NTRK3: variants seen among roughly 807,000 people sequenced by gnomAD.
NTRK3 encodes the protein NT-3 growth factor receptor.
Under a neutral mutation model 91.7 loss-of-function variants are expected in NTRK3, and 24 were observed. The observed-to-expected ratio is 0.26, with a 90% CI of 0.19 to 0.37. The LOEUF is 0.37. NTRK3 is among the 10% of genes least tolerant of loss of function. NTRK3 has a pLI of 1.00. For synonymous variants in NTRK3, 483 were observed against 404.0 expected (o/e 1.20, Z -2.34); for missense variants, 880 against 1,068.9 (o/e 0.82, Z 2.46).
intron 14 of NTRK3, among the ~76,000 whole-genome samples, chr15:87,999,319 C>A (rs1160496902): frequency 6.6e-6 from 1 of 152,264 alleles, no homozygotes; most frequent in Admixed American, 6.5e-5. Context: ...GTTCCTTGGC[C>A]ACTAGGATGC....
At chr15:88,084,265 G>A (rs2048310630) in intron 13 of NTRK3, among the ~76,000 whole-genome samples, 1 of 152,010 alleles carries the variant, frequency 6.6e-6, no homozygotes, top group African/African-American at 2.4e-5. Context: ...TCACTCCCCT[G>A]CACCCCAATG....
rs8031214 is a variant in NTRK3 at position 88,185,279 on chromosome 15, C to G, written c.249-980G>C. Among the ~76,000 whole-genome samples, 1,025 of 152,234 alleles carry G rather than the reference C, an allele frequency of 6.7e-3. 16 individuals are homozygous for G. The highest frequency in any genetic ancestry group is 0.023 in the African/African-American group (975 of 41,508). On this transcript the variant is annotated intron_variant, in intron 3 of 18. Transcript: ENST00000394480. ...GAGCTTTTTATCAACAGACACAAAC[C>G]CGTGCTAACTCATCCACTGCATAAA... is the stretch of plus-strand genomic sequence containing the variant.
chr15:88,018,397 T>C (rs2077384135), intron 14 of NTRK3, among the ~76,000 whole-genome samples: 1 of 152,188 alleles, frequency 6.6e-6, no homozygotes, highest in Admixed American at 6.5e-5. Flanking sequence ...CAGCTGACGG[T>C]GGGAGGGGGT....
chr15:88,034,270 A>G (rs1596853503), intron 13 of NTRK3, among the ~76,000 whole-genome samples: 1 of 152,288 alleles, frequency 6.6e-6, no homozygotes, highest in East Asian at 1.9e-4. Context: ...TTGAAATATC[A>G]CATTGACCCA....
chr15:87,941,937 T>C (rs1397959996), intron 14 of NTRK3, among the ~76,000 whole-genome samples: 6 of 152,194 alleles, frequency 3.9e-5, no homozygotes, highest in African/African-American at 7.2e-5. Context: ...TTGAAGAGCA[T>C]TGCTGAGCCA....
chr15:87,948,594 A>T (rs1300063365), intron 14 of NTRK3, among the ~76,000 whole-genome samples: 1 of 152,250 alleles, frequency 6.6e-6, no homozygotes, highest in East Asian at 1.9e-4. Flanking sequence ...AAGCTGAAGC[A>T]GGAGAATCGC....
intron 17 of NTRK3, 137 bp from the exon 18 acceptor site, chr15:87,885,872 T>G: frequency 2.6e-6 from 1 of 391,952 alleles, no homozygotes; most frequent in Non-Finnish European, 4.5e-6. Flanking sequence ...GAGATACAAC[T>G]TACAAAAATT....
chr15:87,939,255 T>A (rs1346343601), intron 15 of NTRK3, among the ~76,000 whole-genome samples: 2 of 152,190 alleles, frequency 1.3e-5, no homozygotes, highest in Non-Finnish European at 2.9e-5. Flanking sequence ...GCCAACTACT[T>A]TTTATTGAGT....
At chr15:88,134,974 G>T in intron 10 of NTRK3, 127 bp downstream of exon 10, 1 of 1,117,896 alleles carries the variant, frequency 8.9e-7, no homozygotes, top group Non-Finnish European at 1.4e-6. Flanking sequence ...ATGTTCCAGT[G>T]TGTGTTTTGT....
chr15:88,013,251 G>C (rs537332765), intron 14 of NTRK3, among the ~76,000 whole-genome samples: 21 of 152,322 alleles, frequency 1.4e-4, no homozygotes, highest in Non-Finnish European at 1.9e-4. Flanking sequence ...CACTGGTAAA[G>C]ACTGTTTAAA....
chr15:88,255,440 AG>A lies in NTRK3; in HGVS notation c.248+465del, dbSNP rs908591755. Among the ~76,000 whole-genome samples, 1 of 152,204 alleles carries A rather than the reference AG, an allele frequency of 6.6e-6. No homozygotes were observed. The highest frequency in any genetic ancestry group is 2.4e-5 in the African/African-American group (1 of 41,462). Reference sequence around the variant, plus strand: ...TAAACACCTCGGCTGGATCGCGAGCAGTCCCTATCTGTCACCTTCCCTGCCG... The same window carrying A: ...TAAACACCTCGGCTGGATCGCGAGCATCCCTATCTGTCACCTTCCCTGCCG... On this transcript the variant is annotated intron_variant, in intron 3 of 18. Coordinates refer to ENST00000394480, the Ensembl canonical transcript of NTRK3. The surrounding 1 kb of genome is among the most constrained non-coding windows in gnomAD (Gnocchi z 4.3).
intron 13 of NTRK3, among the ~76,000 whole-genome samples, chr15:88,050,558 T>TAC (rs1445016918): frequency 6.6e-6 from 1 of 151,880 alleles, no homozygotes; most frequent in Non-Finnish European, 1.5e-5. Flanking sequence ...CTGAGTAGTA[T>TAC]ACACACACTC....
chr15:87,984,100 C>T (rs1327499071), intron 14 of NTRK3, among the ~76,000 whole-genome samples: 3 of 152,060 alleles, frequency 2.0e-5, no homozygotes, highest in Non-Finnish European at 2.9e-5. Context: ...ACCACATGAA[C>T]GTGAGGTAGT....
intron 14 of NTRK3, among the ~76,000 whole-genome samples, chr15:87,983,190 C>T (rs2074442036): frequency 6.6e-6 from 1 of 152,220 alleles, no homozygotes; most frequent in Non-Finnish European, 1.5e-5. Flanking sequence ...TGACATAGCA[C>T]TGGCTGTGGA....
At chr15:88,039,664 T>G (rs2142112302) in intron 13 of NTRK3, among the ~76,000 whole-genome samples, 1 of 152,340 alleles carries the variant, frequency 6.6e-6, no homozygotes, top group Middle Eastern at 3.4e-3. Flanking sequence ...CCCAGTGCCG[T>G]AAAGAAATAG....
intron 17 of NTRK3, among the ~76,000 whole-genome samples, chr15:87,921,340 T>A (rs2067851984): frequency 6.6e-6 from 1 of 152,198 alleles, no homozygotes. Flanking sequence ...TCTTCATTGG[T>A]GCCTGGGTCT....
intron 3 of NTRK3, among the ~76,000 whole-genome samples, chr15:88,186,118 G>A (rs1274363352): frequency 1.3e-5 from 2 of 152,206 alleles, no homozygotes; most frequent in Non-Finnish European, 2.9e-5. Flanking sequence ...GTCCCCCAGT[G>A]TATTCCCCGG....
rs78056294 is a variant in NTRK3 at position 87,869,204 on chromosome 15, G to A, written c.*7731C>T. On this transcript the variant is annotated 3_prime_UTR_variant, in exon 19 of 19. Transcript: ENST00000394480. The stretch of plus-strand genomic sequence containing the variant: ...GAGAAGGCCCAAACTCCCTCTCCTA[G>A]GGTCAGATCTCAGCCACGGCTCCTC... 1,488 of 229,554 alleles carry A rather than the reference G, an allele frequency of 6.5e-3. 7 individuals carry two copies. Among genetic ancestry groups the A allele is most frequent in the Non-Finnish European group, 0.011 (1,223 of 115,716 alleles). 14.2% of individuals were successfully genotyped at this position (229,554 alleles called of 1,614,324 possible). A position where few individuals can be genotyped will look rare whatever the true frequency, so the allele number is the denominator to read the frequency against.
At chr15:88,079,302 A>C (rs1267925569) in intron 13 of NTRK3, among the ~76,000 whole-genome samples, 3 of 152,224 alleles carry the variant, frequency 2.0e-5, no homozygotes, top group Non-Finnish European at 4.4e-5. Context: ...GCTAGCACAG[A>C]GCAGGTCCTC....
Sources: gnomAD v4.1 joint callset for allele counts (sites outside exome capture counted in the v4.1 genomes callset) on GRCh38, gnomAD v4.1.1 for gene constraint, Gnocchi (gnomAD v3.1) non-coding constraint, MANE v1.5 for transcripts, NCBI Gene and HGNC (gene_info 2026-07-23, HGNC 2026-07-21) for gene names.